NPHP3: variants seen among roughly 807,000 people sequenced by gnomAD.
NPHP3 encodes the protein nephrocystin 3, also known as nephrocystin-3.
Under a neutral mutation model 171.9 loss-of-function variants are expected in NPHP3, and 123 were observed. The observed-to-expected ratio is 0.72, with a 90% CI of 0.62 to 0.83. The LOEUF is 0.83. Among genes scored for constraint, NPHP3 ranks in the 40% least tolerant of loss-of-function variants. The pLI is 0.00. For missense variants in NPHP3, 1,506 were observed against 1,591.9 expected (o/e 0.95, Z 0.92); for synonymous variants, 558 against 579.2 (o/e 0.96, Z 0.52).
intron 10 of NPHP3, among the ~76,000 whole-genome samples, 200 bp from the exon 11 acceptor site, chr3:132,700,648 T>G (rs1227762475): frequency 6.6e-6 from 1 of 152,212 alleles, no homozygotes; most frequent in East Asian, 1.9e-4. Context: ...AATTGTAGAT[T>G]CATTTTAATT....
rs1939225930 is a variant in NPHP3, at chr3:132,688,767, T to C, written c.3008A>G (p.Asn1003Ser). 10 of 1,614,152 alleles carry C rather than the reference T, an allele frequency of 6.2e-6. No homozygotes were observed. Among genetic ancestry groups the C allele is most frequent in the Non-Finnish European group, 8.5e-6 (10 of 1,180,004 alleles). ...SVYVQWKKFG[N>S]AEQLYKQALE... Reference sequence around the variant, plus strand: ...CGCCTGTTTATACAGTTGTTCTGCATTGCCAAACTTCTTCCACTGCACGTA... The same window carrying C: ...CGCCTGTTTATACAGTTGTTCTGCACTGCCAAACTTCTTCCACTGCACGTA... Residue 1003 changes from asparagine (N) to serine (S), a missense_variant, in exon 21 of 27, where the codon AAT becomes AGT. Around this residue, in one of 3 missense-constraint regions of NPHP3, gnomAD observed 569 missense variants for 648.1 expected, o/e 0.88. Coordinates refer to ENST00000337331, the MANE Select transcript of NPHP3 (RefSeq NM_153240.5).
intron 7 of NPHP3, among the ~76,000 whole-genome samples, chr3:132,706,203 C>CA (rs1157902991): frequency 6.6e-6 from 1 of 151,842 alleles, no homozygotes; most frequent in Non-Finnish European, 1.5e-5. Context: ...ACTAAAAATA[C>CA]AAAAAATTAG....
intron 8 of NPHP3, 37 bp downstream of exon 8, chr3:132,705,703 T>A: frequency 9.3e-7 from 1 of 1,074,900 alleles, no homozygotes; most frequent in Non-Finnish European, 1.4e-6. Context: ...GATCTTAAAA[T>A]ATTTTAGATG....
intron 21 of NPHP3, among the ~76,000 whole-genome samples, chr3:132,687,495 A>T (rs1405672685): frequency 6.6e-6 from 1 of 152,204 alleles, no homozygotes; most frequent in African/African-American, 2.4e-5. Context: ...AAACAAAGCA[A>T]GTCTAGTCCT....
intron 23 of NPHP3, 161 bp from the exon 24 acceptor site, chr3:132,684,955 A>G: frequency 1.3e-6 from 1 of 774,432 alleles, no homozygotes; most frequent in South Asian, 1.7e-5. Flanking sequence ...CCCCACCCCT[A>G]TCTCTTCCTG....
chr3:132,696,114 T>C (rs888934878), intron 15 of NPHP3, among the ~76,000 whole-genome samples: 3 of 145,872 alleles, frequency 2.1e-5, no homozygotes, highest in Non-Finnish European at 4.5e-5. Context: ...AAAAAATGTA[T>C]TAATCTTTTT....
chr3:132,691,294 GA>G lies in NPHP3; in HGVS notation c.2476-9del. ...TCTCACTGTTTCCCAAGCCTAGGGA[GA>G]AAAAGAAGAAATACTGAGTTCTATT... On this transcript the variant is annotated splice_polypyrimidine_tract_variant and intron_variant, in intron 17 of 26. Coordinates refer to ENST00000337331, the MANE Select transcript of NPHP3 (RefSeq NM_153240.5). 6.3e-7 allele frequency: 1 copy of G among 1,588,532 alleles called. No individual in the cohort carries two copies. The highest frequency in any genetic ancestry group is 8.6e-7 in the Non-Finnish European group (1 of 1,156,934).
chr3:132,715,033 A>G, intron 5 of NPHP3, 52 bp downstream of exon 5: 1 of 1,435,612 alleles, frequency 7.0e-7, no homozygotes. Context: ...ACAGAATATA[A>G]TATTAACTTA....
Position 132,708,003 on chromosome 3 carries a change from C to T in NPHP3, c.1275+98G>A, listed in dbSNP as rs1034754323. ...TGTTCCAGCCACACTGGTTTCTCTC[C>T]CCTCCCCAGATATGCCAGGCTTATG... is the stretch of plus-strand genomic sequence containing the variant. On this transcript the variant is annotated intron_variant, in intron 7 of 26. Coordinates refer to ENST00000337331, the MANE Select transcript of NPHP3 (RefSeq NM_153240.5). 59 of 1,161,528 alleles carry T rather than the reference C, an allele frequency of 5.1e-5. No homozygotes were observed. The African/African-American group carries it at 7.9e-4, about 16-fold the overall frequency. The allele number at this position is 1,161,528 out of a possible 1,614,324, so 72.0% of individuals were successfully genotyped here.
chr3:132,720,650 T>C (rs1940182906), intron 1 of NPHP3, among the ~76,000 whole-genome samples: 1 of 152,024 alleles, frequency 6.6e-6, no homozygotes, highest in African/African-American at 2.4e-5. Flanking sequence ...TGAGGGAGTT[T>C]AAAAACAAAA....
intron 15 of NPHP3, among the ~76,000 whole-genome samples, chr3:132,696,470 G>A (rs1379976974): frequency 2.6e-5 from 4 of 152,178 alleles, no homozygotes; most frequent in Non-Finnish European, 5.9e-5. Flanking sequence ...ACAAATGAGG[G>A]TGAGGATGGC....
At chr3:132,694,504 T>C (rs1447048098) in intron 16 of NPHP3, among the ~76,000 whole-genome samples, 1 of 152,054 alleles carries the variant, frequency 6.6e-6, no homozygotes, top group Non-Finnish European at 1.5e-5. Flanking sequence ...GCAAATTTTC[T>C]AATAAAGGAT....
rs1940240748 is a variant in NPHP3, at chr3:132,721,989, T to A, written c.367A>T (p.Asn123Tyr). The part of the protein sequence containing the change: ...GRREAKLDTE[N>Y]KRLRAELQAL... ...TGCAGTTCGGCCCGCAGCCGCTTGTTCTCCGTGTCCAGCTTGGCCTCGCGG... is the reference window on the plus strand; with the variant it reads ...TGCAGTTCGGCCCGCAGCCGCTTGTACTCCGTGTCCAGCTTGGCCTCGCGG... Residue 123 changes from asparagine (N) to tyrosine (Y), a missense_variant, in exon 1 of 27, where the codon AAC (asparagine) becomes TAC (tyrosine). By Grantham distance (143) the Asn-to-Tyr change is moderately radical. This residue lies in a region of NPHP3 where 930 missense variants were observed against 924.9 expected (regional missense o/e 1.01). Transcript: ENST00000337331. 1 of 1,612,982 alleles carries A rather than the reference T, an allele frequency of 6.2e-7. No homozygotes were observed. The highest frequency in any genetic ancestry group is 1.7e-5 in the Admixed American group (1 of 60,008).
intron 7 of NPHP3, among the ~76,000 whole-genome samples, chr3:132,707,482 A>G (rs150283373): frequency 0.013 from 1,965 of 152,138 alleles, 14 homozygotes; most frequent in Non-Finnish European, 0.023. Context: ...TAAAAAAAAA[A>G]GTCTCCTCCT....
rs1362469132 is a variant in NPHP3, at chr3:132,699,402, C to G, written c.1936G>C (p.Val646Leu). ...KWLIDPLPVN[V>L]RVIVSVNVET... Reference sequence around the variant, plus strand: ...ACATTCACAGAAACAATTACTCTTACATTCACTGGCAGTGGATCTATCAGC... The same window carrying G: ...ACATTCACAGAAACAATTACTCTTAGATTCACTGGCAGTGGATCTATCAGC... Residue 646 changes from valine to leucine, a missense_variant, in exon 13 of 27, where the codon GTA becomes CTA. By Grantham distance (32) the Val-to-Leu change is conservative (BLOSUM62 1). This residue lies in a region of NPHP3 where 930 missense variants were observed against 924.9 expected (regional missense o/e 1.01). Coordinates refer to ENST00000337331, the MANE Select transcript of NPHP3 (RefSeq NM_153240.5). 2.5e-6 allele frequency: 4 copies of G among 1,612,758 alleles called. No homozygotes were observed. Among genetic ancestry groups the G allele is most frequent in the African/African-American group, 1.3e-5 (1 of 75,048 alleles).
At chr3:132,709,431 C>G (rs563292875) in intron 6 of NPHP3, among the ~76,000 whole-genome samples, 3 of 152,006 alleles carry the variant, frequency 2.0e-5, no homozygotes, top group Admixed American at 6.6e-5. Context: ...CACAGGCACA[C>G]GCCACCACAC....
chr3:132,697,832 A>G (rs1939495600), intron 13 of NPHP3, among the ~76,000 whole-genome samples: 1 of 150,132 alleles, frequency 6.7e-6, no homozygotes, highest in Non-Finnish European at 1.5e-5. Context: ...GTACACATAG[A>G]CACATATATC....
At chr3:132,691,418 T>C in intron 17 of NPHP3, 132 bp from the exon 18 acceptor site, 1 of 678,414 alleles carries the variant, frequency 1.5e-6, no homozygotes, top group South Asian at 1.7e-5. Context: ...ACTTAAATGT[T>C]TTTAAATTTA....
chr3:132,704,270 T>C lies in NPHP3; in HGVS notation c.1452A>G (p.Ile484Met), dbSNP rs771804922. The change falls in exon 9 of 27, where the codon ATA becomes ATG. Residue 484 changes from isoleucine to methionine, a missense_variant. This residue lies in a region of NPHP3 where 930 missense variants were observed against 924.9 expected (regional missense o/e 1.01). Coordinates refer to ENST00000337331, the MANE Select transcript of NPHP3 (RefSeq NM_153240.5). The stretch of plus-strand genomic sequence containing the variant: ...TTTCCATTTGCTCTTGTTCATCATG[T>C]ATGTCCCACAGAACATCACCAAAAT... Reference protein sequence around the residue: ...EDDFGDVLWDIHDEQEQMETF... With the variant: ...EDDFGDVLWDMHDEQEQMETF... 200 of 1,614,200 alleles carry C rather than the reference T, an allele frequency of 1.2e-4. 3 individuals are homozygous for C. The South Asian group carries it at 2.1e-3, about 17-fold the overall frequency.
Sources: allele counts gnomAD v4.1 joint callset (sites outside exome capture counted in the v4.1 genomes callset), GRCh38; gene constraint gnomAD v4.1.1; regional missense constraint gnomAD v4.1.1; transcripts MANE v1.5; gene names NCBI Gene and HGNC (gene_info 2026-07-23, HGNC 2026-07-21).